Variants in ARHGEF3 observed in about 807,000 individuals in gnomAD.
The protein encoded by ARHGEF3 is Rho guanine nucleotide exchange factor 3, also known as 59.8 kDA protein.
In ARHGEF3, 28 loss-of-function variants were observed where a neutral mutation model predicts 63.2. The ratio of observed to expected loss-of-function variants is 0.44; its 90% CI spans 0.33 to 0.61. The LOEUF (loss-of-function observed/expected upper bound fraction) is 0.61. Among genes scored for constraint, ARHGEF3 ranks in the 20% least tolerant of loss-of-function variants. The pLI is 0.03. For synonymous variants in ARHGEF3, 266 were observed against 254.2 expected (o/e 1.05, Z -0.44); for missense variants, 533 against 659.3 (o/e 0.81, Z 2.10).
chr3:56,888,156 C>T (rs1448813121), intron 3 of ARHGEF3, among the ~76,000 whole-genome samples: 1 of 149,094 alleles, frequency 6.7e-6, no homozygotes, highest in Non-Finnish European at 1.5e-5. Flanking sequence ...TTAAAATGCA[C>T]AGACATGTTA....
intron 2 of ARHGEF3, among the ~76,000 whole-genome samples, chr3:57,001,148 C>T (rs891320811): frequency 6.6e-6 from 1 of 152,078 alleles, no homozygotes. Context: ...CTATGTTGCC[C>T]AGGCTGGTCT....
rs558207184 is a variant in ARHGEF3 at position 56,920,486 on chromosome 3, C to T, written c.130-38132G>A. Among the ~76,000 whole-genome samples the T allele has an allele frequency of 2.6e-4, 40 of 152,212 alleles. 1 individual carries two copies. The South Asian group carries it at 5.0e-3, about 19-fold the overall frequency. ...CCAAAGATATTATAAGGAACATACTCGTCAGGGTTGTGAGAATTTCATTTA... is the reference window on the plus strand; with the variant it reads ...CCAAAGATATTATAAGGAACATACTTGTCAGGGTTGTGAGAATTTCATTTA... On this transcript the variant is annotated intron_variant, in intron 3 of 12. Transcript: ENST00000338458.
chr3:56,807,785 C>T (rs1057163201), intron 4 of ARHGEF3, among the ~76,000 whole-genome samples: 2 of 152,168 alleles, frequency 1.3e-5, no homozygotes, highest in African/African-American at 4.8e-5. Context: ...ACTATTCTCC[C>T]TTTGCCTGAG....
chr3:56,956,970 C>A (rs560757960), intron 3 of ARHGEF3, among the ~76,000 whole-genome samples: 1 of 152,210 alleles, frequency 6.6e-6, no homozygotes, highest in East Asian at 1.9e-4. Flanking sequence ...GGAGTCTCCA[C>A]GTACATCAAC....
intron 3 of ARHGEF3, among the ~76,000 whole-genome samples, chr3:56,907,064 C>A (rs2041709101): frequency 1.4e-5 from 2 of 144,326 alleles, no homozygotes; most frequent in African/African-American, 5.2e-5. Context: ...TCACTGCAAC[C>A]TCTGCCTCCT....
At chr3:57,051,120 A>G (rs1704650373) in intron 1 of ARHGEF3, among the ~76,000 whole-genome samples, 1 of 152,240 alleles carries the variant, frequency 6.6e-6, no homozygotes, top group African/African-American at 2.4e-5. Context: ...AATCCAGTAC[A>G]TAAGTATTTC....
intron 3 of ARHGEF3, among the ~76,000 whole-genome samples, chr3:56,936,571 GT>G (rs1187351127): frequency 6.6e-6 from 1 of 152,154 alleles, no homozygotes; most frequent in Admixed American, 6.5e-5. Flanking sequence ...CCCTTAGGAT[GT>G]TTTCCTGCCC....
At chr3:56,940,448 C>A (rs183698314) in intron 3 of ARHGEF3, 1 of 152,318 alleles carries the variant, frequency 6.6e-6, no homozygotes, top group African/African-American at 2.4e-5. Flanking sequence ...GGCACACAAG[C>A]CTACTGTTAA....
intron 4 of ARHGEF3, among the ~76,000 whole-genome samples, chr3:56,818,360 C>T (rs931940869): frequency 1.3e-5 from 2 of 152,112 alleles, no homozygotes; most frequent in East Asian, 1.9e-4. Context: ...GTTTGCACAG[C>T]GACTACAGTG....
At chr3:56,857,760 G>C (rs775229003) in intron 4 of ARHGEF3, among the ~76,000 whole-genome samples, 3 of 151,962 alleles carry the variant, frequency 2.0e-5, no homozygotes, top group Non-Finnish European at 4.4e-5. Flanking sequence ...TCTTTTTTAG[G>C]AAACAGCCTC....
intron 4 of ARHGEF3, among the ~76,000 whole-genome samples, chr3:56,867,300 T>C (rs36030006): frequency 0.34 from 51,175 of 151,904 alleles, 8,893 homozygotes; most frequent in East Asian, 0.54. Flanking sequence ...CAGATGTTGA[T>C]AATATGGCAA....
intron 1 of ARHGEF3, among the ~76,000 whole-genome samples, chr3:57,044,391 G>A (rs1704357445): frequency 6.6e-6 from 1 of 152,208 alleles, no homozygotes; most frequent in Non-Finnish European, 1.5e-5. Flanking sequence ...GTACCCAGCC[G>A]AGTCCGTAAG....
At chr3:56,781,349 C>G (rs373114269) in intron 1 of ARHGEF3, among the ~76,000 whole-genome samples, 2 of 151,762 alleles carry the variant, frequency 1.3e-5, no homozygotes, top group Admixed American at 1.3e-4. Flanking sequence ...TGGGTTCAAG[C>G]GATTCTCCTG....
chr3:56,862,872 G>A (rs1008712070), intron 4 of ARHGEF3, among the ~76,000 whole-genome samples: 1 of 152,116 alleles, frequency 6.6e-6, no homozygotes, highest in Non-Finnish European at 1.5e-5. Context: ...ACCCTGGGCT[G>A]ATTCATTAGA....
intron 4 of ARHGEF3, among the ~76,000 whole-genome samples, chr3:56,866,674 A>G (rs960481188): frequency 2.6e-5 from 4 of 152,254 alleles, no homozygotes; most frequent in African/African-American, 9.6e-5. Flanking sequence ...CATCTAGAAT[A>G]TACTCCTTTC....
intron 2 of ARHGEF3, among the ~76,000 whole-genome samples, chr3:56,759,201 G>A (rs186013996): frequency 1.6e-3 from 187 of 120,466 alleles, no homozygotes; most frequent in South Asian, 2.5e-3. Flanking sequence ...TTTTTGAGAT[G>A]GAGTCTCGCT....
intron 4 of ARHGEF3, among the ~76,000 whole-genome samples, chr3:56,858,173 G>T (rs943120932): frequency 6.6e-6 from 1 of 151,214 alleles, no homozygotes; most frequent in Non-Finnish European, 1.5e-5. Context: ...GAGCCTGGGA[G>T]GTGGAGGCTG....
chr3:56,841,841 C>A (rs760267458), intron 4 of ARHGEF3, among the ~76,000 whole-genome samples: 1 of 152,140 alleles, frequency 6.6e-6, no homozygotes, highest in Non-Finnish European at 1.5e-5. Context: ...CATACACATA[C>A]AAATTCCCAA....
rs150507358 is a variant in ARHGEF3 at position 56,865,271 on chromosome 3, A to G, written c.192+17021T>C. Among the ~76,000 whole-genome samples the G allele has an allele frequency of 1.8e-4, 28 of 152,352 alleles. No homozygotes were observed. The East Asian group carries it at 5.2e-3, about 28-fold the overall frequency. On this transcript the variant is annotated intron_variant, in intron 4 of 12. Transcript: ENST00000338458. Reference sequence around the variant, plus strand: ...CATAACAAAACTTAAACAGCAACCTAGAAGAGAACATGCTACCACAGCGCA... The same window carrying G: ...CATAACAAAACTTAAACAGCAACCTGGAAGAGAACATGCTACCACAGCGCA...
Sources: gnomAD v4.1 joint callset for allele counts (sites outside exome capture counted in the v4.1 genomes callset) on GRCh38, gnomAD v4.1.1 for gene constraint, MANE v1.5 for transcripts, NCBI Gene and HGNC (gene_info 2026-07-23, HGNC 2026-07-21) for gene names.